RIT2: variants seen among roughly 807,000 people sequenced by gnomAD.
RIT2 encodes the protein GTP-binding protein Rit2.
RIT2 carries 24 observed loss-of-function variants against 23.7 expected under a neutral mutation model. The observed-to-expected ratio is 1.01, with a 90% CI of 0.73 to 1.43. RIT2 has a LOEUF of 1.43. Among genes scored for constraint, RIT2 ranks in the 40% most tolerant of loss-of-function variants. The pLI, the probability that RIT2 is intolerant of heterozygous loss-of-function variation, is 0.00. For synonymous variants in RIT2, 107 were observed against 91.1 expected, an observed-to-expected ratio of 1.17 and a Z score of -0.99; for missense variants, 236 against 266.9, an observed-to-expected ratio of 0.88 and a Z score of 0.81.
intron 4 of RIT2, among the ~76,000 whole-genome samples, chr18:42,788,515 C>T (rs1913971190): frequency 6.6e-6 from 1 of 152,134 alleles, no homozygotes; most frequent in African/African-American, 2.4e-5. Flanking sequence ...AAATATCCTG[C>T]ATTTGTCATT....
At chr18:42,993,860 C>T (rs111665261) in intron 2 of RIT2, among the ~76,000 whole-genome samples, 9,434 of 152,112 alleles carry the variant, frequency 0.062, 502 homozygotes, top group East Asian at 0.25. Flanking sequence ...CCCCACTCAA[C>T]GCCAATATCC....
At chr18:43,015,670 T>C (rs952314899) in intron 2 of RIT2, among the ~76,000 whole-genome samples, 1 of 151,630 alleles carries the variant, frequency 6.6e-6, no homozygotes, top group Non-Finnish European at 1.5e-5. Context: ...AATACCTAGA[T>C]TTATTGATCA....
intron 1 of RIT2, among the ~76,000 whole-genome samples, chr18:43,059,117 A>G (rs940101685): frequency 6.6e-6 from 1 of 151,840 alleles, no homozygotes; most frequent in Middle Eastern, 3.2e-3. Flanking sequence ...TTTTTTTCCA[A>G]AGAGGAATGA....
intron 4 of RIT2, chr18:42,923,237 A>G (rs1428814220): frequency 2.1e-5 from 4 of 188,884 alleles, no homozygotes; most frequent in Admixed American, 5.8e-5. Flanking sequence ...CTTGAACTCA[A>G]GGGTAAGCAG....
intron 4 of RIT2, among the ~76,000 whole-genome samples, chr18:42,837,096 C>T (rs1906625126): frequency 6.6e-6 from 1 of 150,558 alleles, no homozygotes; most frequent in Admixed American, 6.6e-5. Flanking sequence ...ACTGATTATG[C>T]CCTTGAATAT....
intron 4 of RIT2, among the ~76,000 whole-genome samples, chr18:42,802,722 T>C (rs2143964385): frequency 6.6e-6 from 1 of 152,338 alleles, no homozygotes; most frequent in South Asian, 2.1e-4. Flanking sequence ...CTTTATTTTG[T>C]TTTCAGGATT....
chr18:43,028,217 T>C (rs1375732223), intron 2 of RIT2, among the ~76,000 whole-genome samples: 1 of 152,100 alleles, frequency 6.6e-6, no homozygotes, highest in African/African-American at 2.4e-5. Flanking sequence ...TGTGTGTTTA[T>C]GTGGTAAGCA....
At chr18:42,778,639 C>G (rs1271385298) in intron 4 of RIT2, among the ~76,000 whole-genome samples, 1 of 152,172 alleles carries the variant, frequency 6.6e-6, no homozygotes, top group Non-Finnish European at 1.5e-5. Context: ...GCCAGCAACT[C>G]TGCAGTCACC....
intron 1 of RIT2, among the ~76,000 whole-genome samples, chr18:43,107,679 C>A (rs1022676064): frequency 6.6e-6 from 1 of 152,064 alleles, no homozygotes; most frequent in Non-Finnish European, 1.5e-5. Context: ...GTGGTTGAGG[C>A]CCCCAGGGGT....
chr18:42,789,801 G>A (rs1358110078), intron 4 of RIT2, among the ~76,000 whole-genome samples: 2 of 152,106 alleles, frequency 1.3e-5, no homozygotes, highest in Non-Finnish European at 2.9e-5. Context: ...TTCCAATCTG[G>A]ATGTTTTTTA....
At chr18:42,895,240 G>A (rs1202894416) in intron 4 of RIT2, among the ~76,000 whole-genome samples, 1 of 151,822 alleles carries the variant, frequency 6.6e-6, no homozygotes, top group Non-Finnish European at 1.5e-5. Context: ...AATACTCAGA[G>A]CCTCAATTAT....
chr18:43,110,971 G>A, intron 1 of RIT2, among the ~76,000 whole-genome samples: 1 of 152,054 alleles, frequency 6.6e-6, no homozygotes, highest in South Asian at 2.1e-4. Context: ...CTTTTTATAG[G>A]GGGTGGCAGT....
At chr18:43,053,500 A>G (rs1240596544) in intron 1 of RIT2, among the ~76,000 whole-genome samples, 2 of 152,026 alleles carry the variant, frequency 1.3e-5, no homozygotes, top group Non-Finnish European at 2.9e-5. Context: ...ATGGGATGGT[A>G]AGGAAAAACT....
chr18:42,779,879 T>C (rs1913765322), intron 4 of RIT2, among the ~76,000 whole-genome samples: 1 of 152,112 alleles, frequency 6.6e-6, no homozygotes, highest in Non-Finnish European at 1.5e-5. Flanking sequence ...GGTTACTTAA[T>C]ATCCAAGGAT....
rs1905677996 is a variant in RIT2, at chr18:42,806,131, T to A, written c.427-62411A>T. Among the ~76,000 whole-genome samples the A allele has an allele frequency of 2.1e-5, 3 of 141,916 alleles. No homozygotes were observed. The Admixed American group carries it at 2.1e-4, about 10-fold the overall frequency. 93.1% of individuals were successfully genotyped at this position (141,916 alleles called of 152,430 possible). ...TATATATATATATATATATATATAT[T>A]TTACAAATCCATTAAAAGCATTCTT... On this transcript the variant is annotated intron_variant, in intron 4 of 4. Transcript: ENST00000326695.
intron 3 of RIT2, among the ~76,000 whole-genome samples, chr18:42,929,891 C>T (rs1479259842): frequency 6.6e-6 from 1 of 152,052 alleles, no homozygotes; most frequent in African/African-American, 2.4e-5. Flanking sequence ...CAATTATGTT[C>T]AGAAGCCAAG....
At chr18:42,910,151 C>T (rs1005497603) in intron 4 of RIT2, among the ~76,000 whole-genome samples, 1 of 152,042 alleles carries the variant, frequency 6.6e-6, no homozygotes, top group Admixed American at 6.6e-5. Context: ...AAGTTATCCA[C>T]AGTTAGGCCA....
At chr18:43,019,786 C>T (rs1911554259) in intron 2 of RIT2, among the ~76,000 whole-genome samples, 1 of 151,714 alleles carries the variant, frequency 6.6e-6, no homozygotes, top group South Asian at 2.1e-4. Context: ...TTTAGAAAAC[C>T]CTAAAGACTC....
chr18:43,043,630 A>C (rs981755609), intron 1 of RIT2, among the ~76,000 whole-genome samples: 1 of 151,960 alleles, frequency 6.6e-6, no homozygotes, highest in African/African-American at 2.4e-5. Context: ...GTCTCTATTA[A>C]AAATACAAAA....
Sources: allele counts gnomAD v4.1 joint callset (sites outside exome capture counted in the v4.1 genomes callset), GRCh38; gene constraint gnomAD v4.1.1; transcripts MANE v1.5; gene names NCBI Gene and HGNC (gene_info 2026-07-23, HGNC 2026-07-21).